The following DSCAM variants were observed in gnomAD, a reference collection of about 807,000 sequenced individuals.
The protein encoded by DSCAM is cell adhesion molecule DSCAM.
A neutral mutation model predicts 217.7 loss-of-function variants in DSCAM; 47 were observed. The observed-to-expected ratio is 0.22, with a 90% confidence interval of 0.17 to 0.28. The LOEUF is 0.28. Ranked by LOEUF, DSCAM falls within the 10% of genes least tolerant of loss-of-function variation. The probability of loss-of-function intolerance (pLI) is 1.00; values close to 1 mark genes in which losing one functional copy is unlikely to be tolerated. For missense variants in DSCAM, 2,080 were observed against 2,618.3 expected (o/e 0.79, Z 4.49); for synonymous variants, 1,056 against 1,015.3 (o/e 1.04, Z -0.76).
At chr21:40,297,093 G>A (rs67306303) in intron 9 of DSCAM, among the ~76,000 whole-genome samples, 14,750 of 152,078 alleles carry the variant, frequency 0.097, 889 homozygotes, top group African/African-American at 0.16. Flanking sequence ...GTGGGCCAAA[G>A]GGGGACTGTG....
intron 3 of DSCAM, among the ~76,000 whole-genome samples, chr21:40,369,582 T>C (rs920535245): frequency 4.6e-5 from 7 of 152,184 alleles, no homozygotes; most frequent in Admixed American, 2.0e-4. Context: ...ATATAATTGG[T>C]ATATACCGAA....
intron 3 of DSCAM, among the ~76,000 whole-genome samples, chr21:40,506,121 T>G (rs1446953143): frequency 1.3e-5 from 2 of 152,216 alleles, no homozygotes; most frequent in Non-Finnish European, 2.9e-5. Context: ...ACTTCATGCT[T>G]GCATTTCAAA....
intron 15 of DSCAM, among the ~76,000 whole-genome samples, chr21:40,173,521 G>T (rs767616091): frequency 2.6e-5 from 4 of 152,136 alleles, no homozygotes; most frequent in Non-Finnish European, 5.9e-5. Context: ...ATCGCTGAGG[G>T]CCTGGTTGGT....
At chr21:40,791,907 A>C (rs543876245) in intron 1 of DSCAM, among the ~76,000 whole-genome samples, 2 of 152,174 alleles carry the variant, frequency 1.3e-5, no homozygotes, top group African/African-American at 2.4e-5. Context: ...TCACGATTTC[A>C]GGACTAGAGA....
chr21:40,708,092 C>G (rs1241752591), intron 2 of DSCAM, among the ~76,000 whole-genome samples: 1 of 151,452 alleles, frequency 6.6e-6, no homozygotes, highest in African/African-American at 2.4e-5. Context: ...CTTTCTCCTC[C>G]CCTAGGATGG....
At chr21:40,530,110 A>G (rs997626348) in intron 3 of DSCAM, among the ~76,000 whole-genome samples, 1 of 152,200 alleles carries the variant, frequency 6.6e-6, no homozygotes, top group Non-Finnish European at 1.5e-5. Flanking sequence ...CTGTAGCTCC[A>G]CACTGCCCCC....
At chr21:40,770,003 T>C (rs970439232) in intron 1 of DSCAM, among the ~76,000 whole-genome samples, 5 of 152,232 alleles carry the variant, frequency 3.3e-5, no homozygotes, top group Non-Finnish European at 7.3e-5. Flanking sequence ...CACTTCAAAA[T>C]GCAATTGCAG....
rs551351630 is a variant in DSCAM, at chr21:40,049,816, G to T, written c.5185+2142C>A. Among the ~76,000 whole-genome samples the T allele has an allele frequency of 5.9e-5, 9 of 152,292 alleles. No homozygotes were observed. The South Asian group carries it at 1.2e-3, about 21-fold the overall frequency. On this transcript the variant is annotated intron_variant, in intron 30 of 32. Coordinates refer to ENST00000400454, the MANE Select transcript of DSCAM (RefSeq NM_001389.5). ...TGCTGTGACTCCGGTTCATGTCTCTGTTGATATTTTACATGCCAACAAATC... is the reference window on the plus strand; with the variant it reads ...TGCTGTGACTCCGGTTCATGTCTCTTTTGATATTTTACATGCCAACAAATC...
intron 1 of DSCAM, among the ~76,000 whole-genome samples, chr21:40,724,979 G>T (rs373457549): frequency 6.6e-6 from 1 of 152,144 alleles, no homozygotes; most frequent in Non-Finnish European, 1.5e-5. Flanking sequence ...TCTCATAAAT[G>T]CAAATACACC....
chr21:40,743,060 C>T (rs1431296412), intron 1 of DSCAM, among the ~76,000 whole-genome samples: 1 of 152,184 alleles, frequency 6.6e-6, no homozygotes, highest in African/African-American at 2.4e-5. Flanking sequence ...CTGAAGAAGA[C>T]TTCTGCATTG....
chr21:40,824,795 G>A (rs2091955270), intron 1 of DSCAM, among the ~76,000 whole-genome samples: 2 of 152,012 alleles, frequency 1.3e-5, no homozygotes, highest in South Asian at 2.1e-4. Context: ...CCACACCCGG[G>A]GACTTCCCTC....
rs141674928 is a variant in DSCAM, at chr21:40,101,786, T to TG, written c.3697-7913dup. Among the ~76,000 whole-genome samples, 850 of 146,556 alleles carry TG rather than the reference T, an allele frequency of 5.8e-3. 5 individuals are homozygous for TG. Among genetic ancestry groups the TG allele is most frequent in the East Asian group, 0.032 (156 of 4,828 alleles). On this transcript the variant is annotated intron_variant, in intron 20 of 32. Coordinates refer to ENST00000400454, the MANE Select transcript of DSCAM (RefSeq NM_001389.5). The stretch of plus-strand genomic sequence containing the variant: ...TCATGGTTTTTACTGTGGGAGGTGG[T>TG]GGGGGGGGGTCCAGGCAGACACTGC...
chr21:40,350,852 A>G (rs1381941843), intron 5 of DSCAM, among the ~76,000 whole-genome samples: 4 of 151,262 alleles, frequency 2.6e-5, no homozygotes, highest in African/African-American at 4.9e-5. Context: ...GAAGGCATTC[A>G]AAAGTGTTTA....
At chr21:40,235,776 A>G (rs1339574696) in intron 11 of DSCAM, among the ~76,000 whole-genome samples, 1 of 152,144 alleles carries the variant, frequency 6.6e-6, no homozygotes, top group Admixed American at 6.5e-5. Flanking sequence ...TTTCAGAAAA[A>G]AAAAAAAATC....
At chr21:40,608,613 A>G (rs1025834525) in intron 3 of DSCAM, among the ~76,000 whole-genome samples, 1 of 152,222 alleles carries the variant, frequency 6.6e-6, no homozygotes, top group Non-Finnish European at 1.5e-5. Context: ...GTAGATCTCT[A>G]CTATGAGGTA....
At chr21:40,083,246 T>G (rs1345334227) in intron 24 of DSCAM, among the ~76,000 whole-genome samples, 13 of 152,172 alleles carry the variant, frequency 8.5e-5, no homozygotes, top group African/African-American at 3.1e-4. Flanking sequence ...CTGGCCAACA[T>G]GGCAAAACCC....
At chr21:40,785,859 C>A (rs1296404356) in intron 1 of DSCAM, among the ~76,000 whole-genome samples, 1 of 152,336 alleles carries the variant, frequency 6.6e-6, no homozygotes, top group Non-Finnish European at 1.5e-5. Flanking sequence ...CTACTAGTTT[C>A]TTTCCTTTCC....
intron 9 of DSCAM, among the ~76,000 whole-genome samples, chr21:40,303,816 T>G (rs1268597305): frequency 2.0e-5 from 3 of 152,216 alleles, no homozygotes. Context: ...TTAGCCAATG[T>G]GCTTGTTTCT....
intron 32 of DSCAM, among the ~76,000 whole-genome samples, chr21:40,041,797 C>T: frequency 6.6e-6 from 1 of 152,178 alleles, no homozygotes; most frequent in East Asian, 1.9e-4. Flanking sequence ...AGACCTCTCC[C>T]CTTTCAGAAG....
Sources: gnomAD v4.1 joint callset for allele counts (sites outside exome capture counted in the v4.1 genomes callset) on GRCh38, gnomAD v4.1.1 for gene constraint, MANE v1.5 for transcripts, NCBI Gene and HGNC (gene_info 2026-07-23, HGNC 2026-07-21) for gene names.